The following TTC27 variants were observed in gnomAD, a reference collection of about 807,000 sequenced individuals.
TTC27 encodes tetratricopeptide repeat protein 27.
Under a neutral mutation model 115.9 loss-of-function variants are expected in TTC27, and 79 were observed. That is an observed-to-expected ratio of 0.68 (90% CI 0.57 to 0.82). TTC27 has a LOEUF of 0.82. Among genes scored for constraint, TTC27 ranks in the 40% least tolerant of loss-of-function variants. TTC27 has a pLI of 0.00. For synonymous variants in TTC27, 401 were observed against 356.0 expected (o/e 1.13, Z -1.42); for missense variants, 1,054 against 993.1 (o/e 1.06, Z -0.82).
chr2:32,787,274 G>A, intron 16 of TTC27, 125 bp downstream of exon 16: 1 of 1,060,098 alleles, frequency 9.4e-7, no homozygotes. Flanking sequence ...TATGAAAAGG[G>A]TATTTTTTTC....
intron 2 of TTC27, among the ~76,000 whole-genome samples, chr2:32,631,041 C>T (rs1325503036): frequency 1.3e-5 from 2 of 152,152 alleles, no homozygotes; most frequent in Admixed American, 6.6e-5. Flanking sequence ...CAGTGCTTCA[C>T]GCCTGTAGTC....
chr2:32,723,728 C>CTCCCTCCTTCCTTCGTTCCTTCCT (rs1454826952), intron 10 of TTC27, among the ~76,000 whole-genome samples: 1 of 29,514 alleles, frequency 3.4e-5, no homozygotes, highest in Non-Finnish European at 6.1e-5. Context: ...CCCTCCCTCC[C>CTCCCTCCTTCCTTCGTTCCTTCCT]TCCTTCCTTC....
intron 10 of TTC27, among the ~76,000 whole-genome samples, chr2:32,709,227 C>T (rs910380868): frequency 6.6e-6 from 1 of 151,926 alleles, no homozygotes; most frequent in Admixed American, 6.6e-5. Flanking sequence ...AGATTAATAC[C>T]CCTTAACTGT....
intron 9 of TTC27, among the ~76,000 whole-genome samples, chr2:32,684,846 C>T (rs187803157): frequency 4.8e-4 from 71 of 149,278 alleles, no homozygotes; most frequent in Middle Eastern, 3.5e-3. Context: ...CAAAATAAAA[C>T]GAACAAAACT....
chr2:32,690,931 G>A (rs941564298), intron 9 of TTC27, among the ~76,000 whole-genome samples: 1 of 152,158 alleles, frequency 6.6e-6, no homozygotes, highest in Non-Finnish European at 1.5e-5. Context: ...GGTGGGCATC[G>A]TTCGATTTGG....
intron 5 of TTC27, among the ~76,000 whole-genome samples, chr2:32,651,496 G>A (rs1301331413): frequency 2.0e-5 from 3 of 152,126 alleles, no homozygotes; most frequent in Non-Finnish European, 2.9e-5. Flanking sequence ...ACAGGCATGT[G>A]CCACCACGCC....
At chr2:32,678,731 T>C in intron 8 of TTC27, 125 bp from the exon 9 acceptor site, 1 of 680,430 alleles carries the variant, frequency 1.5e-6, no homozygotes, top group South Asian at 2.0e-5. Flanking sequence ...CCGGCCCCCA[T>C]AATATTTAAA....
chr2:32,633,655 T>C (rs1276654813), intron 2 of TTC27, among the ~76,000 whole-genome samples: 2 of 152,200 alleles, frequency 1.3e-5, no homozygotes, highest in East Asian at 1.9e-4. Context: ...CCTCCTACCG[T>C]GGCCTTCCAA....
chr2:32,790,031 AAAAAAAAAATCT>A (rs1670481635), intron 16 of TTC27, among the ~76,000 whole-genome samples: 3 of 143,562 alleles, frequency 2.1e-5, no homozygotes, highest in Admixed American at 1.4e-4. Flanking sequence ...TTCAGAAAAG[AAAAAAAAAATCT>A]AAAAAAAATA....
At chr2:32,668,467 T>A (rs905332440) in intron 7 of TTC27, among the ~76,000 whole-genome samples, 3 of 152,004 alleles carry the variant, frequency 2.0e-5, no homozygotes, top group Non-Finnish European at 2.9e-5. Context: ...ATGTACCATT[T>A]AATACAGAAT....
chr2:32,779,378 G>A (rs1374225267), intron 14 of TTC27, among the ~76,000 whole-genome samples: 1 of 151,182 alleles, frequency 6.6e-6, no homozygotes, highest in African/African-American at 2.5e-5. Flanking sequence ...GGTTCAATTT[G>A]CATGTTTTGG....
chr2:32,712,127 T>C (rs1169864779), intron 10 of TTC27, among the ~76,000 whole-genome samples: 6 of 152,184 alleles, frequency 3.9e-5, no homozygotes, highest in Admixed American at 3.3e-4. Flanking sequence ...GCAGTTACAC[T>C]GAAGGCTTCA....
intron 8 of TTC27, 36 bp from the exon 9 acceptor site, chr2:32,678,820 C>G: frequency 2.0e-6 from 3 of 1,496,220 alleles, no homozygotes; most frequent in East Asian, 2.3e-5. Flanking sequence ...CAACATGCAT[C>G]TTATAATTAA....
intron 13 of TTC27, among the ~76,000 whole-genome samples, chr2:32,761,902 A>T (rs1470916988): frequency 1.3e-5 from 2 of 151,466 alleles, no homozygotes; most frequent in Non-Finnish European, 3.0e-5. Flanking sequence ...GTGAATAAAT[A>T]GTATCTTCAA....
chr2:32,701,359 A>G (rs766454040), intron 9 of TTC27, among the ~76,000 whole-genome samples: 11 of 152,240 alleles, frequency 7.2e-5, no homozygotes, highest in Non-Finnish European at 1.3e-4. Flanking sequence ...TCCAGGAAGT[A>G]GTCATATCTT....
chr2:32,758,864 G>A (rs143353349), intron 13 of TTC27, among the ~76,000 whole-genome samples: 1 of 152,160 alleles, frequency 6.6e-6, no homozygotes, highest in East Asian at 1.9e-4. Context: ...AGACAGCATA[G>A]GACTTTGCAA....
At chr2:32,646,219 G>A (rs1664853515) in intron 4 of TTC27, among the ~76,000 whole-genome samples, 1 of 151,268 alleles carries the variant, frequency 6.6e-6, no homozygotes, top group African/African-American at 2.4e-5. Context: ...TAGTAGAGAC[G>A]GGGTTTCACC....
chr2:32,686,085 A>G (rs1401001232), intron 9 of TTC27, among the ~76,000 whole-genome samples: 2 of 152,250 alleles, frequency 1.3e-5, no homozygotes, highest in East Asian at 1.9e-4. Context: ...ATCATTTGCA[A>G]TAGCCTTAAA....
In TTC27 at chr2:32,672,321, A is replaced by T. The variant is rs773805774; in HGVS notation, c.989A>T (p.Asp330Val). ...ATTCTGAATGACATAAAGTTAGCAG[A>T]TTGTGAACAGTTCCAGATGCCGGAT... ...DTILNDIKLA[D>V]CEQFQMPDLC... The change falls in exon 8 of 20, where the codon GAT becomes GTT. Residue 330 changes from aspartate to valine, a missense_variant. Physicochemically the swap from Asp to Val is radical, Grantham distance 152. Coordinates refer to ENST00000317907, the MANE Select transcript of TTC27 (RefSeq NM_017735.5). 6.2e-7 allele frequency: 1 copy of T among 1,613,892 alleles called. No homozygotes were observed. Among genetic ancestry groups the T allele is most frequent in the Non-Finnish European group, 8.5e-7 (1 of 1,179,924 alleles).
Sources: gnomAD v4.1 joint callset for allele counts (sites outside exome capture counted in the v4.1 genomes callset) on GRCh38, gnomAD v4.1.1 for gene constraint, MANE v1.5 for transcripts, NCBI Gene and HGNC (gene_info 2026-07-23, HGNC 2026-07-21) for gene names.